KDM4B: variants seen among roughly 807,000 people sequenced by gnomAD.
KDM4B encodes lysine-specific demethylase 4B.
In KDM4B, 32 loss-of-function variants were observed where a neutral mutation model predicts 125.2. The ratio of observed to expected loss-of-function variants is 0.26; its 90% CI spans 0.19 to 0.34. The LOEUF is 0.34. KDM4B is among the 10% of genes least tolerant of loss of function. The probability of loss-of-function intolerance (pLI) is 1.00; values close to 1 mark genes in which losing one functional copy is unlikely to be tolerated. For missense variants in KDM4B, 1,190 were observed against 1,577.7 expected, an observed-to-expected ratio of 0.75 and a Z score of 4.16; for synonymous variants, 721 against 677.9, an observed-to-expected ratio of 1.06 and a Z score of -0.99.
At chr19:5,117,821 T>A (rs1418326065) in intron 10 of KDM4B, among the ~76,000 whole-genome samples, 1 of 152,164 alleles carries the variant, frequency 6.6e-6, no homozygotes, top group African/African-American at 2.4e-5. Flanking sequence ...CCATGCTGTG[T>A]GATGCCATGC....
intron 6 of KDM4B, among the ~76,000 whole-genome samples, chr19:5,059,522 C>G (rs1025608141): frequency 6.6e-6 from 1 of 152,242 alleles, no homozygotes; most frequent in Non-Finnish European, 1.5e-5. Flanking sequence ...AGGGAGGGAC[C>G]CAGCATCCTG....
intron 9 of KDM4B, among the ~76,000 whole-genome samples, chr19:5,108,893 A>G (rs1360251822): frequency 6.6e-6 from 1 of 152,124 alleles, no homozygotes. Context: ...TGCCCCGTTC[A>G]GACGGGGGCC....
intron 2 of KDM4B, among the ~76,000 whole-genome samples, chr19:5,028,338 C>T (rs892069326): frequency 5.3e-5 from 8 of 152,190 alleles, no homozygotes; most frequent in African/African-American, 1.7e-4. Context: ...GTGTAACACA[C>T]GGCCTTTTGT....
At chr19:5,022,594 A>C (rs1219175382) in intron 2 of KDM4B, among the ~76,000 whole-genome samples, 1 of 152,158 alleles carries the variant, frequency 6.6e-6, no homozygotes, top group African/African-American at 2.4e-5. Context: ...TGCCTCACTT[A>C]GGCCACTGGC....
Position 5,059,610 on chromosome 19 carries a change from T to C in KDM4B, c.627-11400T>C, listed in dbSNP as rs370947727. On this transcript the variant is annotated intron_variant, in intron 6 of 22. Transcript: ENST00000159111. ...GCGCGTAGCCTCATGGCCATCGGCC[T>C]GTGTGTGAGACAGTTCAACTCCCGT... 5.7e-3 allele frequency among the ~76,000 whole-genome samples: 875 copies of C among 152,306 alleles called. 9 individuals are homozygous for C. The highest frequency in any genetic ancestry group is 0.02 in the African/African-American group (828 of 41,558).
intron 12 of KDM4B, 96 bp downstream of exon 12, chr19:5,131,641 G>C: frequency 1.7e-6 from 1 of 575,888 alleles, no homozygotes; most frequent in Non-Finnish European, 3.0e-6. Context: ...GGTGGCGGGG[G>C]AGGGGGCAGG....
intron 6 of KDM4B, among the ~76,000 whole-genome samples, chr19:5,068,338 C>T (rs1012747512): frequency 1.2e-4 from 18 of 152,202 alleles, no homozygotes; most frequent in East Asian, 7.7e-4. Context: ...CCACCAGTGC[C>T]GTCGCAACCC....
At chr19:5,096,785 C>T (rs902842822) in intron 9 of KDM4B, among the ~76,000 whole-genome samples, 3 of 151,682 alleles carry the variant, frequency 2.0e-5, no homozygotes, top group Middle Eastern at 3.4e-3. Flanking sequence ...GTGGCGCCTG[C>T]CTGGTGGAGG....
intron 3 of KDM4B, among the ~76,000 whole-genome samples, chr19:5,036,133 TG>T (rs1568244999): frequency 2.0e-5 from 3 of 152,260 alleles, no homozygotes; most frequent in Admixed American, 2.0e-4. Flanking sequence ...CACAGTGCCC[TG>T]CTGGTTCTGA....
At chr19:5,026,440 C>A (rs1344850418) in intron 2 of KDM4B, among the ~76,000 whole-genome samples, 2 of 152,184 alleles carry the variant, frequency 1.3e-5, no homozygotes, top group Non-Finnish European at 2.9e-5. Context: ...ACTTCAGCCT[C>A]CCAGAGCACT....
chr19:5,087,991 T>C (rs968542627), intron 9 of KDM4B, among the ~76,000 whole-genome samples: 1 of 152,198 alleles, frequency 6.6e-6, no homozygotes, highest in Non-Finnish European at 1.5e-5. Context: ...TTTCGGGAGC[T>C]AAATGCCAGG....
intron 1 of KDM4B, among the ~76,000 whole-genome samples, chr19:5,000,326 C>T (rs1025664061): frequency 1.7e-4 from 26 of 150,434 alleles, no homozygotes; most frequent in Non-Finnish European, 3.6e-4. Context: ...TCCATCCATC[C>T]ATCCACCCAC....
At chr19:5,097,577 C>T (rs1599179043) in intron 9 of KDM4B, among the ~76,000 whole-genome samples, 1 of 152,182 alleles carries the variant, frequency 6.6e-6, no homozygotes, top group East Asian at 1.9e-4. Context: ...TGGAGCTGCT[C>T]CTTCGGTCCT....
At chr19:5,118,409 C>T (rs768866900) in intron 10 of KDM4B, among the ~76,000 whole-genome samples, 9 of 152,142 alleles carry the variant, frequency 5.9e-5, no homozygotes, top group Non-Finnish European at 1.2e-4. Context: ...ACTGGGGAGC[C>T]GGGCTGTGCG....
rs1332290706 is a variant in KDM4B, at chr19:5,115,111, G to A, written c.1115+4293G>A. ...GAAGGGTGGGCAGGAGACCCCATGG[G>A]CCGGCAACCAGGAGGACAGCCAGCA... On this transcript the variant is annotated intron_variant, in intron 10 of 22. Transcript: ENST00000159111. This position sits in a 1 kb window ranked among gnomAD's most constrained non-coding sequence, Gnocchi z 4.2. Among the ~76,000 whole-genome samples the A allele has an allele frequency of 2.0e-5, 3 of 152,190 alleles. No homozygotes were observed. The highest frequency in any genetic ancestry group is 7.2e-5 in the African/African-American group (3 of 41,442).
chr19:5,017,493 A>G (rs1368933719), intron 2 of KDM4B, among the ~76,000 whole-genome samples: 1 of 152,128 alleles, frequency 6.6e-6, no homozygotes, highest in Non-Finnish European at 1.5e-5. Context: ...GCAGAAAACC[A>G]TGCGCCTCCT....
intron 7 of KDM4B, among the ~76,000 whole-genome samples, chr19:5,073,305 G>A (rs1381016072): frequency 1.3e-5 from 2 of 152,240 alleles, no homozygotes; most frequent in Admixed American, 1.3e-4. Flanking sequence ...CACCTCTGTC[G>A]TCCACACGGC....
intron 2 of KDM4B, among the ~76,000 whole-genome samples, chr19:5,030,716 CT>C (rs1275372104): frequency 1.3e-5 from 2 of 152,246 alleles, no homozygotes; most frequent in Non-Finnish European, 2.9e-5. Flanking sequence ...GCCGTGTGGC[CT>C]AGGCCCACAA....
At chr19:5,012,567 G>A (rs1189078472) in intron 1 of KDM4B, among the ~76,000 whole-genome samples, 1 of 152,168 alleles carries the variant, frequency 6.6e-6, no homozygotes, top group Non-Finnish European at 1.5e-5. Flanking sequence ...GACCACTCCC[G>A]ACACGTTCCC....
Sources: gnomAD v4.1 joint callset for allele counts (sites outside exome capture counted in the v4.1 genomes callset) on GRCh38, gnomAD v4.1.1 for gene constraint, Gnocchi (gnomAD v3.1) non-coding constraint, MANE v1.5 for transcripts, NCBI Gene and HGNC (gene_info 2026-07-23, HGNC 2026-07-21) for gene names.